WIF1: variants seen among roughly 807,000 people sequenced by gnomAD.
WIF1 encodes Wnt inhibitory factor 1.
WIF1 carries 35 observed loss-of-function variants against 53.5 expected under a neutral mutation model. That is an observed-to-expected ratio of 0.65 (90% CI 0.50 to 0.87). The LOEUF is 0.87. Among genes scored for constraint, WIF1 ranks in the 40% least tolerant of loss-of-function variants. The pLI, the probability that WIF1 is intolerant of heterozygous loss-of-function variation, is 0.00. For synonymous variants in WIF1, 171 were observed against 170.4 expected, an observed-to-expected ratio of 1.00 and a Z score of -0.03; for missense variants, 467 against 476.8, an observed-to-expected ratio of 0.98 and a Z score of 0.19.
chr12:65,096,196 T>A (rs180770294), intron 2 of WIF1, among the ~76,000 whole-genome samples: 1 of 152,182 alleles, frequency 6.6e-6, no homozygotes, highest in African/African-American at 2.4e-5. Flanking sequence ...CATCAAAAAG[T>A]GGGCAAAGGA....
intron 2 of WIF1, among the ~76,000 whole-genome samples, chr12:65,098,934 T>C (rs936576566): frequency 6.6e-6 from 1 of 152,200 alleles, no homozygotes; most frequent in African/African-American, 2.4e-5. Context: ...GTGGTTCAAC[T>C]AATCTTTAAG....
chr12:65,060,436 A>G (rs932249297), intron 7 of WIF1, among the ~76,000 whole-genome samples: 1 of 152,226 alleles, frequency 6.6e-6, no homozygotes, highest in Non-Finnish European at 1.5e-5. Flanking sequence ...CAGGTAAAAG[A>G]AGCCACACAA....
At chr12:65,066,860 C>G (rs1009852903) in intron 5 of WIF1, 124 bp from the exon 6 acceptor site, 1 of 505,238 alleles carries the variant, frequency 2.0e-6, no homozygotes, top group East Asian at 3.5e-5. Context: ...AATGATTACT[C>G]TTCAGAGATA....
chr12:65,098,390 G>A (rs543571920), intron 2 of WIF1, among the ~76,000 whole-genome samples: 10 of 152,158 alleles, frequency 6.6e-5, no homozygotes, highest in Non-Finnish European at 4.4e-5. Flanking sequence ...CTTTAGAGCC[G>A]GAAAAATTCT....
chr12:65,087,541 T>C (rs1656867410), intron 2 of WIF1, among the ~76,000 whole-genome samples: 1 of 152,164 alleles, frequency 6.6e-6, no homozygotes. Context: ...TTTTTCTTAG[T>C]TTAGCTCTAG....
chr12:65,062,666 A>C, intron 6 of WIF1, 90 bp from the exon 7 acceptor site: 1 of 1,163,010 alleles, frequency 8.6e-7, no homozygotes, highest in Non-Finnish European at 1.2e-6. Flanking sequence ...TTTTTTAGGC[A>C]TCTGCTTGCT....
chr12:65,076,915 C>A (rs546614169), intron 3 of WIF1, among the ~76,000 whole-genome samples: 3 of 150,576 alleles, frequency 2.0e-5, no homozygotes, highest in Non-Finnish European at 4.4e-5. Context: ...AAAATCATGA[C>A]GCAAAACCAA....
At position 65,062,472 on chromosome 12, in the gene WIF1, A is replaced by T; in HGVS notation, c.826+9T>A. 6.2e-7 allele frequency: 1 copy of T among 1,600,558 alleles called. No homozygotes were observed. Among genetic ancestry groups the T allele is most frequent in the South Asian group, 1.1e-5 (1 of 89,098 alleles). On this transcript the variant is annotated intron_variant, in intron 7 of 9. Coordinates refer to ENST00000286574, the MANE Select transcript of WIF1 (RefSeq NM_007191.5). ...CCAAGTCAAAAGAACGCAGAAAGTC[A>T]ATACTCACTGATTTCACACTGCTCT...
intron 2 of WIF1, among the ~76,000 whole-genome samples, chr12:65,087,708 G>C (rs1159333546): frequency 6.6e-6 from 1 of 152,010 alleles, no homozygotes; most frequent in African/African-American, 2.4e-5. Flanking sequence ...TAAAGGTTAT[G>C]AGAAGAGCCT....
chr12:65,073,443 G>C (rs1307925554), intron 3 of WIF1, among the ~76,000 whole-genome samples: 1 of 152,130 alleles, frequency 6.6e-6, no homozygotes, highest in East Asian at 1.9e-4. Flanking sequence ...CAAAGTCTTG[G>C]CTTCATGAAA....
intron 4 of WIF1, among the ~76,000 whole-genome samples, chr12:65,068,035 T>C (rs953588909): frequency 2.0e-5 from 3 of 152,138 alleles, no homozygotes; most frequent in African/African-American, 7.2e-5. Context: ...GTAAGGCAAA[T>C]TTTATTCTGC....
chr12:65,118,356 T>A (rs1883543800), intron 2 of WIF1, among the ~76,000 whole-genome samples: 1 of 152,218 alleles, frequency 6.6e-6, no homozygotes. Context: ...GGTGCTGGGA[T>A]CACATAACTT....
intron 7 of WIF1, among the ~76,000 whole-genome samples, chr12:65,058,199 C>T (rs1882558391): frequency 6.6e-6 from 1 of 152,038 alleles, no homozygotes; most frequent in South Asian, 2.1e-4. Flanking sequence ...CCATTTGCAT[C>T]AAATAAATAC....
intron 2 of WIF1, among the ~76,000 whole-genome samples, chr12:65,080,596 T>C (rs1047488393): frequency 6.6e-5 from 10 of 152,228 alleles, no homozygotes. Flanking sequence ...TAACATACTG[T>C]TCTAAAACGT....
chr12:65,068,955 T>A, intron 3 of WIF1, 51 bp from the exon 4 acceptor site: 1 of 1,582,054 alleles, frequency 6.3e-7, no homozygotes, highest in Non-Finnish European at 8.6e-7. Flanking sequence ...TAGTTGATTC[T>A]AGTTTTACAG....
chr12:65,101,195 T>C (rs1883276938), intron 2 of WIF1, among the ~76,000 whole-genome samples: 1 of 152,176 alleles, frequency 6.6e-6, no homozygotes, highest in Non-Finnish European at 1.5e-5. Context: ...GTTTATGTTC[T>C]TGGTGAGTAA....
chr12:65,065,081 G>C (rs1431490463), intron 6 of WIF1, among the ~76,000 whole-genome samples: 3 of 152,098 alleles, frequency 2.0e-5, no homozygotes, highest in Non-Finnish European at 2.9e-5. Flanking sequence ...AGTAATTAGT[G>C]CTTAATCTTT....
chr12:65,120,598 G>C (rs1883586871), intron 1 of WIF1, 42 bp from the exon 2 acceptor site: 1 of 1,582,450 alleles, frequency 6.3e-7, no homozygotes, highest in East Asian at 2.2e-5. Context: ...AGGTAGACTT[G>C]AAATCATCTA....
rs1204426140 is a variant in WIF1, at chr12:65,055,135, C to T, written c.1001G>A (p.Gly334Glu). 2.5e-6 allele frequency: 4 copies of T among 1,613,914 alleles called. No homozygotes were observed. Among genetic ancestry groups the T allele is most frequent in the Non-Finnish European group, 3.4e-6 (4 of 1,179,984 alleles). Reference sequence around the variant, plus strand: ...CCACTCACTTTTATTGCAGTGTCTTCCATGCCAACCTTCTTGACATTGGCA... The same window carrying T: ...CCACTCACTTTTATTGCAGTGTCTTTCATGCCAACCTTCTTGACATTGGCA... ...NKCQCQEGWH[G>E]RHCNKRYEAS... Residue 334 changes from glycine (G) to glutamate (E), a missense_variant, in exon 9 of 10, where the codon GGA becomes GAA. Physicochemically the swap from Gly to Glu is moderately conservative, Grantham distance 98. Transcript: ENST00000286574.
Sources: allele counts gnomAD v4.1 joint callset (sites outside exome capture counted in the v4.1 genomes callset), GRCh38; gene constraint gnomAD v4.1.1; transcripts MANE v1.5; gene names NCBI Gene and HGNC (gene_info 2026-07-23, HGNC 2026-07-21).